ADAM17: variants seen among roughly 807,000 people sequenced by gnomAD.
ADAM17 encodes disintegrin and metalloproteinase domain-containing protein 17.
A neutral mutation model predicts 96.7 loss-of-function variants in ADAM17; 39 were observed. The ratio of observed to expected loss-of-function variants is 0.40; its 90% confidence interval spans 0.31 to 0.53. The LOEUF is 0.53. Ranked by LOEUF, ADAM17 falls within the 20% of genes least tolerant of loss-of-function variation. The pLI is 0.44. For missense variants in ADAM17, 777 were observed against 1,013.2 expected (o/e 0.77, Z 3.17); for synonymous variants, 344 against 359.2 (o/e 0.96, Z 0.48).
intron 13 of ADAM17, among the ~76,000 whole-genome samples, chr2:9,501,707 A>G (rs1436294503): frequency 6.6e-6 from 1 of 152,168 alleles, no homozygotes; most frequent in African/African-American, 2.4e-5. Flanking sequence ...TTATCCCAAG[A>G]TTGTCATTTT....
rs1160529690 is a variant in ADAM17 at position 9,555,368 on chromosome 2, C to T, written c.97+141G>A. 1.3e-5 allele frequency: 8 copies of T among 624,090 alleles called. No homozygotes were observed. In the Admixed American group the frequency reaches 2.6e-4, roughly 20 times the overall value. 38.7% of individuals were successfully genotyped at this position (624,090 alleles called of 1,614,324 possible). A position where few individuals can be genotyped will look rare whatever the true frequency, so the allele number is the denominator to read the frequency against. On this transcript the variant is annotated intron_variant, in intron 1 of 18. Coordinates refer to ENST00000310823, the MANE Select transcript of ADAM17 (RefSeq NM_003183.6). ...TTTCCCCAAACTCCGAGAGCCACAC[C>T]CCCTTCTACACTGAAAACTTAGGGA...
At chr2:9,525,586 G>C (rs895033285) in intron 6 of ADAM17, among the ~76,000 whole-genome samples, 47 of 152,148 alleles carry the variant, frequency 3.1e-4, no homozygotes, top group African/African-American at 1.1e-3. Flanking sequence ...TAAAAATCCA[G>C]TATCATCACT....
chr2:9,490,457 G>T lies in ADAM17; in HGVS notation c.2195C>A (p.Ala732Glu). 1 of 1,614,028 alleles carries T rather than the reference G, an allele frequency of 6.2e-7. No individual in the cohort carries two copies. Among genetic ancestry groups the T allele is most frequent in the African/African-American group, 1.3e-5 (1 of 75,014 alleles). ...CTGCAGGCGGCCTGGAGTCTGGGGCGCAGGAAAGGGTTTGATAATGCGAAC... is the reference window on the plus strand; with the variant it reads ...CTGCAGGCGGCCTGGAGTCTGGGGCTCAGGAAAGGGTTTGATAATGCGAAC... ...ASVRIIKPFP[A>E]PQTPGRLQPA... The change falls in exon 19 of 19, where the codon GCG (alanine) becomes GAG (glutamate). Residue 732 changes from alanine to glutamate, a missense_variant. Physicochemically the swap from Ala to Glu is moderately radical, Grantham distance 107 (BLOSUM62 -1). Transcript: ENST00000310823.
At chr2:9,523,190 G>T in intron 7 of ADAM17, 59 bp downstream of exon 7, 1 of 1,311,606 alleles carries the variant, frequency 7.6e-7, no homozygotes, top group Non-Finnish European at 1.1e-6. Flanking sequence ...TTGAATACAA[G>T]TGACAAATAT....
At chr2:9,507,480 C>T (rs6432012) in intron 11 of ADAM17, among the ~76,000 whole-genome samples, 78,688 of 151,734 alleles carry the variant, frequency 0.52, 21,299 homozygotes, top group Middle Eastern at 0.67. Context: ...CCAGCCTGGG[C>T]GACAGAGTGA....
intron 12 of ADAM17, among the ~76,000 whole-genome samples, chr2:9,503,699 C>T (rs533784750): frequency 1.3e-4 from 19 of 151,850 alleles, no homozygotes; most frequent in African/African-American, 4.6e-4. Context: ...ATTAGCTGGG[C>T]GTGGTGGTGC....
intron 4 of ADAM17, among the ~76,000 whole-genome samples, chr2:9,535,029 T>C (rs1310580650): frequency 6.6e-6 from 1 of 152,198 alleles, no homozygotes; most frequent in Non-Finnish European, 1.5e-5. Context: ...TGCAAGGCCA[T>C]AGGTTTCTTT....
intron 6 of ADAM17, among the ~76,000 whole-genome samples, chr2:9,525,294 G>A (rs1572936462): frequency 7.2e-6 from 1 of 138,172 alleles, no homozygotes; most frequent in South Asian, 2.3e-4. Context: ...GTGAGACTCT[G>A]TGTTGAAAAA....
At chr2:9,552,733 C>T (rs766429897) in intron 1 of ADAM17, among the ~76,000 whole-genome samples, 25 of 152,200 alleles carry the variant, frequency 1.6e-4, no homozygotes, top group Admixed American at 8.5e-4. Flanking sequence ...CCAGCTGCAA[C>T]TTCAACAAGA....
intron 4 of ADAM17, 59 bp downstream of exon 4, chr2:9,535,775 G>A: frequency 8.9e-7 from 1 of 1,128,652 alleles, no homozygotes; most frequent in Non-Finnish European, 1.3e-6. Context: ...GCAGAACTGA[G>A]CAGCTTTTTG....
intron 7 of ADAM17, among the ~76,000 whole-genome samples, chr2:9,522,857 A>C (rs1358131247): frequency 6.6e-6 from 1 of 152,230 alleles, no homozygotes; most frequent in Non-Finnish European, 1.5e-5. Context: ...CTGTATATAT[A>C]AATACAGCCT....
At chr2:9,522,369 T>A in intron 7 of ADAM17, 2 of 553,918 alleles carry the variant, frequency 3.6e-6, no homozygotes, top group Non-Finnish European at 6.7e-6. Context: ...GGTTTGACAA[T>A]AAACAGGCTG....
chr2:9,518,173 A>G lies in ADAM17; in HGVS notation c.1032T>C (p.Asp344=), dbSNP rs753521828. The G allele has an allele frequency of 5.0e-6, 8 of 1,607,542 alleles. 1 individual carries two copies. The highest frequency in any genetic ancestry group is 1.7e-4 in the Middle Eastern group (1 of 6,026). Residue 344 remains aspartate (D), a synonymous_variant, in exon 9 of 19, where the codon GAT becomes GAC. Transcript: ENST00000310823. ...CATAAGCTAATCCAAGAGTTCCCAT[A>G]TCAAAATCTTGGTATGTGAAAAGGT... ...LAHLFTYQDF[D]MGTLGLAYVG...
At chr2:9,490,551 A>ACCTCCG in intron 18 of ADAM17, 33 bp from the exon 19 acceptor site, 1 of 1,579,364 alleles carries the variant, frequency 6.3e-7, no homozygotes, top group South Asian at 1.1e-5. Context: ...GATTGATAGG[A>ACCTCCG]ATAAAAGATG....
Position 9,509,991 on chromosome 2 carries a change from G to A in ADAM17, c.1332C>T (p.His444=), listed in dbSNP as rs756357298. Residue 444 remains histidine, a synonymous_variant, in exon 11 of 19, where the codon CAC becomes CAT. Coordinates refer to ENST00000310823, the MANE Select transcript of ADAM17 (RefSeq NM_003183.6). ...VMYPIAVSGD[H]ENNKMFSNCS... is the part of the protein sequence containing the mutation. Reference sequence around the variant, plus strand: ...GACACACACATACCTTATTGTTCTCGTGATCGCCACTCACAGCTATGGGAT... The same window carrying A: ...GACACACACATACCTTATTGTTCTCATGATCGCCACTCACAGCTATGGGAT... The A allele has an allele frequency of 5.0e-5, 80 of 1,613,748 alleles. No homozygotes were observed. The highest frequency in any genetic ancestry group is 5.7e-5 in the Non-Finnish European group (67 of 1,179,954).
At chr2:9,545,352 T>C (rs1057294310) in intron 1 of ADAM17, among the ~76,000 whole-genome samples, 6 of 152,128 alleles carry the variant, frequency 3.9e-5, no homozygotes, top group Admixed American at 3.3e-4. Context: ...GTGGATCACC[T>C]GAGGTCAGGA....
intron 2 of ADAM17, among the ~76,000 whole-genome samples, chr2:9,540,523 T>C (rs990083533): frequency 1.3e-5 from 2 of 152,128 alleles, no homozygotes; most frequent in Non-Finnish European, 2.9e-5. Context: ...TTGGTGTAAG[T>C]TGAAAGCTAA....
chr2:9,554,308 T>C (rs970771474), intron 1 of ADAM17, among the ~76,000 whole-genome samples: 6 of 152,164 alleles, frequency 3.9e-5, no homozygotes, highest in African/African-American at 2.4e-5. Context: ...CCTTACCCTA[T>C]CCCTCCATCC....
rs58664791 is a variant in ADAM17 at position 9,528,156 on chromosome 2, ACT to A, written c.451-204_451-203del. Among the ~76,000 whole-genome samples the A allele has an allele frequency of 0.064, 9,712 of 152,048 alleles. 1,088 individuals carry two copies. Among genetic ancestry groups the A allele is most frequent in the African/African-American group, 0.22 (9,148 of 41,436 alleles). The stretch of plus-strand genomic sequence containing the variant: ...AGGAAAGTAAATACATAGATTATAA[ACT>A]CTGATTATTTTATCTGTATATAAAT... On this transcript the variant is annotated intron_variant, in intron 4 of 18. Transcript: ENST00000310823.
Sources: gnomAD v4.1 joint callset for allele counts (sites outside exome capture counted in the v4.1 genomes callset) on GRCh38, gnomAD v4.1.1 for gene constraint, MANE v1.5 for transcripts, NCBI Gene and HGNC (gene_info 2026-07-23, HGNC 2026-07-21) for gene names.